GNAQ: variants seen among roughly 807,000 people sequenced by gnomAD.
GNAQ encodes G protein subunit alpha q, also known as guanine nucleotide-binding protein G(q) subunit alpha.
In GNAQ, 8 loss-of-function variants were observed where a neutral mutation model predicts 43.9. The ratio of observed to expected loss-of-function variants is 0.18; its 90% CI spans 0.11 to 0.33. GNAQ has a LOEUF of 0.33. GNAQ is among the 10% of genes least tolerant of loss of function. GNAQ has a pLI of 1.00. For missense variants in GNAQ, 158 were observed against 450.8 expected, an observed-to-expected ratio of 0.35 and a Z score of 5.88; for synonymous variants, 155 against 170.7, an observed-to-expected ratio of 0.91 and a Z score of 0.71.
intron 3 of GNAQ, among the ~76,000 whole-genome samples, chr9:77,801,220 T>C (rs1467892268): frequency 1.3e-5 from 2 of 152,154 alleles, no homozygotes; most frequent in Non-Finnish European, 2.9e-5. Flanking sequence ...ATCAGGCACA[T>C]ACCTGCCACT....
At chr9:78,022,433 G>A (rs7033949) in intron 1 of GNAQ, among the ~76,000 whole-genome samples, 9 of 152,134 alleles carry the variant, frequency 5.9e-5, no homozygotes, top group African/African-American at 1.9e-4. Context: ...AGTAAGCAGG[G>A]CAGGAATACT....
At chr9:78,000,922 A>G (rs1296803728) in intron 1 of GNAQ, among the ~76,000 whole-genome samples, 1 of 152,236 alleles carries the variant, frequency 6.6e-6, no homozygotes, top group Non-Finnish European at 1.5e-5. Flanking sequence ...GCACCAACCA[A>G]TCACAATAAA....
chr9:77,890,759 C>A (rs1218115241), intron 2 of GNAQ, among the ~76,000 whole-genome samples: 1 of 152,154 alleles, frequency 6.6e-6, no homozygotes, highest in Non-Finnish European at 1.5e-5. Flanking sequence ...ACAAAAATTC[C>A]ATCAAAAATG....
intron 1 of GNAQ, among the ~76,000 whole-genome samples, chr9:77,943,015 G>C (rs1292197645): frequency 1.3e-5 from 2 of 152,166 alleles, no homozygotes; most frequent in Non-Finnish European, 2.9e-5. Flanking sequence ...AATGGGCTGG[G>C]AATGATGACT....
At chr9:77,771,783 T>C (rs902867461) in intron 5 of GNAQ, among the ~76,000 whole-genome samples, 7 of 152,182 alleles carry the variant, frequency 4.6e-5, no homozygotes, top group African/African-American at 1.7e-4. Context: ...AAATGTTGCA[T>C]ACTGAAACAT....
chr9:77,875,293 G>C (rs1279410128), intron 2 of GNAQ, among the ~76,000 whole-genome samples: 1 of 152,084 alleles, frequency 6.6e-6, no homozygotes, highest in Non-Finnish European at 1.5e-5. Context: ...TTAGTCAAAG[G>C]CAAGAAGTTA....
chr9:77,760,632 G>A (rs562277356), intron 5 of GNAQ, among the ~76,000 whole-genome samples: 220 of 151,844 alleles, frequency 1.4e-3, no homozygotes, highest in African/African-American at 4.0e-3. Context: ...CCGCCACCCC[G>A]TCTAGGAAGT....
intron 1 of GNAQ, among the ~76,000 whole-genome samples, chr9:77,988,468 C>T (rs775218974): frequency 1.3e-5 from 2 of 152,184 alleles, no homozygotes; most frequent in African/African-American, 2.4e-5. Context: ...CAATGGAGCA[C>T]GTAATTGCTG....
chr9:77,799,740 CAAAA>C (rs537915689), intron 3 of GNAQ, among the ~76,000 whole-genome samples: 145 of 152,126 alleles, frequency 9.5e-4, no homozygotes, highest in African/African-American at 3.4e-3. Context: ...TTCTTTAAGA[CAAAA>C]AAAGTATCAG....
intron 2 of GNAQ, among the ~76,000 whole-genome samples, chr9:77,831,103 A>G (rs1425374723): frequency 6.6e-6 from 1 of 152,244 alleles, no homozygotes. Flanking sequence ...CATTCCTTCC[A>G]TTTATAACTA....
At chr9:77,897,952 A>AC (rs1554724089) in intron 2 of GNAQ, among the ~76,000 whole-genome samples, 3,358 of 151,608 alleles carry the variant, frequency 0.022, 122 homozygotes, top group African/African-American at 0.072. Context: ...GAAAAAAAAA[A>AC]AAAAAAAAGC....
At chr9:77,945,591 C>T (rs902640835) in intron 1 of GNAQ, among the ~76,000 whole-genome samples, 4 of 152,022 alleles carry the variant, frequency 2.6e-5, no homozygotes, top group Non-Finnish European at 4.4e-5. Flanking sequence ...TACATACTCA[C>T]GGATGAAAAA....
At chr9:77,742,824 G>A (rs756387917) in intron 5 of GNAQ, among the ~76,000 whole-genome samples, 16 of 152,176 alleles carry the variant, frequency 1.1e-4, no homozygotes, top group Non-Finnish European at 2.4e-4. Flanking sequence ...AACGTTGAAA[G>A]ACCTGAGGGA....
chr9:77,743,159 G>T (rs1291072028), intron 5 of GNAQ, among the ~76,000 whole-genome samples: 1 of 152,240 alleles, frequency 6.6e-6, no homozygotes, highest in Non-Finnish European at 1.5e-5. Flanking sequence ...TCAGGAGGCT[G>T]AGGCAGGAGA....
chr9:77,722,841 T>C (rs916355807), intron 6 of GNAQ, among the ~76,000 whole-genome samples: 56 of 151,916 alleles, frequency 3.7e-4, no homozygotes, highest in African/African-American at 1.3e-3. Context: ...TTTGTAAAGA[T>C]GGGGGTATCA....
At chr9:77,912,257 C>T (rs1285316996) in intron 2 of GNAQ, among the ~76,000 whole-genome samples, 1 of 152,138 alleles carries the variant, frequency 6.6e-6, no homozygotes, top group Non-Finnish European at 1.5e-5. Flanking sequence ...CAAACATATA[C>T]ATTCACTTGA....
chr9:78,016,609 G>GA (rs1464569825), intron 1 of GNAQ, among the ~76,000 whole-genome samples: 1 of 151,972 alleles, frequency 6.6e-6, no homozygotes, highest in Non-Finnish European at 1.5e-5. Context: ...TTGAACCCGG[G>GA]AGGCGGAGGT....
chr9:77,836,409 T>C (rs979513862), intron 2 of GNAQ, among the ~76,000 whole-genome samples: 2 of 152,232 alleles, frequency 1.3e-5, no homozygotes, highest in African/African-American at 4.8e-5. Context: ...CAAAAGATTC[T>C]TTAGAGCAGA....
At chr9:77,899,565 CA>C (rs1376078877) in intron 2 of GNAQ, among the ~76,000 whole-genome samples, 8 of 147,162 alleles carry the variant, frequency 5.4e-5, no homozygotes, top group African/African-American at 2.0e-4. Flanking sequence ...AAAAAAAAAT[CA>C]AAAAATGGAC....
Sources: gnomAD v4.1 joint callset for allele counts (sites outside exome capture counted in the v4.1 genomes callset) on GRCh38, gnomAD v4.1.1 for gene constraint, MANE v1.5 for transcripts, NCBI Gene and HGNC (gene_info 2026-07-23, HGNC 2026-07-21) for gene names.